GALNT17: variants seen among roughly 807,000 people sequenced by gnomAD.
GALNT17 encodes the protein UDP-GalNAc:polypeptide N-acetylgalactosaminyltransferase-like 3.
Under a neutral mutation model 63.7 loss-of-function variants are expected in GALNT17, and 29 were observed. The ratio of observed to expected loss-of-function variants is 0.46; its 90% confidence interval spans 0.34 to 0.62. GALNT17 has a LOEUF of 0.62. Ranked by LOEUF, GALNT17 falls within the 20% of genes least tolerant of loss-of-function variation. The pLI, the probability that GALNT17 is intolerant of heterozygous loss-of-function variation, is 0.01. For synonymous variants in GALNT17, 305 were observed against 318.3 expected (o/e 0.96, Z 0.45); for missense variants, 603 against 799.6 (o/e 0.75, Z 2.97).
intron 2 of GALNT17, among the ~76,000 whole-genome samples, chr7:71,336,108 G>A (rs1171282394): frequency 5.8e-5 from 8 of 137,560 alleles, no homozygotes; most frequent in Admixed American, 7.8e-5. Context: ...GCAATGGTGC[G>A]ATCTCAGCTC....
intron 1 of GALNT17, among the ~76,000 whole-genome samples, chr7:71,147,469 G>C (rs936010089): frequency 6.6e-6 from 1 of 152,044 alleles, no homozygotes; most frequent in African/African-American, 2.4e-5. Flanking sequence ...GGGTGGATCT[G>C]CCTTCCCCAG....
intron 3 of GALNT17, among the ~76,000 whole-genome samples, chr7:71,412,521 C>T (rs962293): frequency 0.017 from 2,523 of 152,154 alleles, 52 homozygotes; most frequent in East Asian, 0.12. Context: ...TACATATGCC[C>T]GCCACCACAC....
chr7:71,625,942 C>T (rs1790369499), intron 6 of GALNT17, among the ~76,000 whole-genome samples: 1 of 151,978 alleles, frequency 6.6e-6, no homozygotes, highest in Non-Finnish European at 1.5e-5. Context: ...TGACTGGTGT[C>T]CTCGTAAAAA....
intron 6 of GALNT17, among the ~76,000 whole-genome samples, chr7:71,607,377 G>T (rs1321257438): frequency 6.6e-6 from 1 of 152,112 alleles, no homozygotes. Flanking sequence ...AGAACATTTT[G>T]TAACACAAAA....
chr7:71,432,402 C>T (rs1030055329), intron 5 of GALNT17, among the ~76,000 whole-genome samples: 2 of 152,172 alleles, frequency 1.3e-5, no homozygotes, highest in African/African-American at 4.8e-5. Context: ...GCATGACTCT[C>T]CTTAGCTACT....
At chr7:71,251,803 C>T (rs757655929) in intron 1 of GALNT17, among the ~76,000 whole-genome samples, 2 of 152,194 alleles carry the variant, frequency 1.3e-5, no homozygotes, top group African/African-American at 2.4e-5. Flanking sequence ...GGCAGAAAAG[C>T]GTCAGCTCTG....
intron 9 of GALNT17, among the ~76,000 whole-genome samples, chr7:71,695,615 C>T (rs1000229158): frequency 6.6e-6 from 1 of 152,202 alleles, no homozygotes; most frequent in African/African-American, 2.4e-5. Context: ...TGAAGGGGCT[C>T]TTGAAATCAA....
chr7:71,363,097 G>T (rs1792436872), intron 2 of GALNT17, among the ~76,000 whole-genome samples: 1 of 152,020 alleles, frequency 6.6e-6, no homozygotes, highest in Non-Finnish European at 1.5e-5. Context: ...CTCCTGAGTA[G>T]CTGGGATTGC....
chr7:71,414,040 G>A (rs576344068), intron 3 of GALNT17, among the ~76,000 whole-genome samples: 67 of 152,038 alleles, frequency 4.4e-4, no homozygotes, highest in South Asian at 2.1e-3. Flanking sequence ...CCAGGAGTTC[G>A]AGACCAGCCT....
chr7:71,409,627 CA>C (rs1793395952), intron 3 of GALNT17, among the ~76,000 whole-genome samples: 1 of 152,168 alleles, frequency 6.6e-6, no homozygotes, highest in Non-Finnish European at 1.5e-5. Context: ...TTCCCAAGTA[CA>C]CATAAAAATC....
intron 9 of GALNT17, among the ~76,000 whole-genome samples, chr7:71,687,854 C>A (rs1472523719): frequency 1.3e-5 from 2 of 152,142 alleles, no homozygotes; most frequent in African/African-American, 4.8e-5. Context: ...CACCACCATG[C>A]CTAGCTAATT....
chr7:71,296,611 A>C (rs969105664), intron 1 of GALNT17, among the ~76,000 whole-genome samples: 2 of 137,818 alleles, frequency 1.5e-5, no homozygotes, highest in Admixed American at 1.5e-4. Flanking sequence ...GCGAGACTCC[A>C]TCTAAAAAAA....
At chr7:71,610,314 G>C (rs1790107423) in intron 6 of GALNT17, among the ~76,000 whole-genome samples, 1 of 151,898 alleles carries the variant, frequency 6.6e-6, no homozygotes, top group South Asian at 2.1e-4. Context: ...AACGTAGCAA[G>C]ACTCTATCTC....
At chr7:71,324,500 C>T (rs887268796) in intron 1 of GALNT17, among the ~76,000 whole-genome samples, 4 of 152,092 alleles carry the variant, frequency 2.6e-5, no homozygotes, top group Non-Finnish European at 5.9e-5. Context: ...AAAACACACA[C>T]ACACAAAATA....
chr7:71,665,122 G>A (rs528974579), intron 6 of GALNT17, among the ~76,000 whole-genome samples: 19 of 152,138 alleles, frequency 1.2e-4, no homozygotes, highest in Middle Eastern at 3.4e-3. Context: ...GATTATAGGC[G>A]TGCGCCATCA....
chr7:71,361,816 G>A (rs917938581), intron 2 of GALNT17, among the ~76,000 whole-genome samples: 4 of 152,180 alleles, frequency 2.6e-5, no homozygotes, highest in South Asian at 2.1e-4. Flanking sequence ...GACAGAGAGA[G>A]AGAGAGAGTG....
At chr7:71,592,563 C>CTAAAATAAAATAAAA (rs71089963) in intron 6 of GALNT17, among the ~76,000 whole-genome samples, 6,278 of 65,296 alleles carry the variant, frequency 0.096, 784 homozygotes, top group Middle Eastern at 0.14. Context: ...GCATAGCATA[C>CTAAAATAAAATAAAA]TAAAATAAAA....
At chr7:71,412,068 G>A (rs554486330) in intron 3 of GALNT17, among the ~76,000 whole-genome samples, 1 of 152,250 alleles carries the variant, frequency 6.6e-6, no homozygotes, top group South Asian at 2.1e-4. Context: ...TTCCTCCTTG[G>A]AGTCCCGTCT....
At chr7:71,622,328 A>G (rs994773774) in intron 6 of GALNT17, among the ~76,000 whole-genome samples, 7 of 152,198 alleles carry the variant, frequency 4.6e-5, no homozygotes, top group Middle Eastern at 3.2e-3. Flanking sequence ...AAATGAAATC[A>G]TACTCTTCCA....
Sources: gnomAD v4.1 joint callset for allele counts (sites outside exome capture counted in the v4.1 genomes callset) on GRCh38, gnomAD v4.1.1 for gene constraint, MANE v1.5 for transcripts, NCBI Gene and HGNC (gene_info 2026-07-23, HGNC 2026-07-21) for gene names.